ZPLD1: variants seen among roughly 807,000 people sequenced by gnomAD.
ZPLD1 encodes zona pellucida-like domain-containing protein 1.
Under a neutral mutation model 47.2 loss-of-function variants are expected in ZPLD1, and 34 were observed. The ratio of observed to expected loss-of-function variants is 0.72; its 90% CI spans 0.55 to 0.96. The LOEUF (loss-of-function observed/expected upper bound fraction) is 0.96, where lower values mean the gene tolerates loss of function less well. Among genes scored for constraint, ZPLD1 ranks in the 40% least tolerant of loss-of-function variants. The pLI is 0.00. For missense variants in ZPLD1, 512 were observed against 505.8 expected (o/e 1.01, Z -0.12); for synonymous variants, 176 against 186.2 (o/e 0.95, Z 0.45).
intron 7 of ZPLD1, among the ~76,000 whole-genome samples, chr3:102,398,827 C>T (rs779429278): frequency 6.6e-6 from 1 of 152,162 alleles, no homozygotes; most frequent in Non-Finnish European, 1.5e-5. Context: ...GCTCTTCCCA[C>T]ATGCATATTT....
chr3:102,435,276 T>C (rs1036688531), intron 1 of ZPLD1, 122 bp downstream of exon 1: 3 of 1,042,278 alleles, frequency 2.9e-6, no homozygotes, highest in Non-Finnish European at 3.0e-6. Flanking sequence ...AGATTCAAAA[T>C]AGGGATACTG....
intron 6 of ZPLD1, among the ~76,000 whole-genome samples, chr3:102,459,643 A>T (rs900236718): frequency 2.2e-4 from 33 of 152,204 alleles, no homozygotes; most frequent in Non-Finnish European, 4.7e-4. Flanking sequence ...TTTTGATATT[A>T]GACTACAAGT....
chr3:102,426,806 A>C (rs1360821595), intron 8 of ZPLD1, among the ~76,000 whole-genome samples: 1 of 152,210 alleles, frequency 6.6e-6, no homozygotes, highest in African/African-American at 2.4e-5. Context: ...CATCATGTCC[A>C]AAAGTATCAT....
At chr3:102,388,019 C>T (rs192406176) in intron 6 of ZPLD1, among the ~76,000 whole-genome samples, 1 of 151,972 alleles carries the variant, frequency 6.6e-6, no homozygotes, top group Non-Finnish European at 1.5e-5. Context: ...CGCCACCACG[C>T]CCAGCTAATT....
chr3:102,462,101 GAT>G (rs1472966113), intron 6 of ZPLD1, among the ~76,000 whole-genome samples, 178 bp from the exon 7 acceptor site: 2 of 152,050 alleles, frequency 1.3e-5, no homozygotes, highest in East Asian at 1.9e-4. Flanking sequence ...TTGTTACATG[GAT>G]ATGGCTTAAT....
At chr3:102,437,651 C>G (rs901772305) in intron 2 of ZPLD1, among the ~76,000 whole-genome samples, 2 of 152,146 alleles carry the variant, frequency 1.3e-5, no homozygotes, top group African/African-American at 4.8e-5. Flanking sequence ...TCTATCAGGC[C>G]AATGAATGGG....
At chr3:102,445,915 A>G (rs562117261) in intron 3 of ZPLD1, among the ~76,000 whole-genome samples, 1 of 152,328 alleles carries the variant, frequency 6.6e-6, no homozygotes, top group African/African-American at 2.4e-5. Context: ...TTAATTTTAT[A>G]TTATTTAATG....
chr3:102,396,576 G>A (rs1266046866), intron 7 of ZPLD1, among the ~76,000 whole-genome samples: 1 of 152,134 alleles, frequency 6.6e-6, no homozygotes, highest in Non-Finnish European at 1.5e-5. Context: ...GCATCAAGGA[G>A]ATGTGGTAAT....
chr3:102,405,906 G>A (rs1706675702), intron 7 of ZPLD1, among the ~76,000 whole-genome samples: 1 of 151,940 alleles, frequency 6.6e-6, no homozygotes, highest in Non-Finnish European at 1.5e-5. Context: ...AAGTGAAAGA[G>A]TTGGGCTGTA....
intron 3 of ZPLD1, among the ~76,000 whole-genome samples, chr3:102,444,202 G>A (rs1429930502): frequency 1.3e-5 from 2 of 152,078 alleles, no homozygotes; most frequent in Non-Finnish European, 2.9e-5. Flanking sequence ...AACTTTTCTG[G>A]TTCCAAAGAA....
At chr3:102,473,114 A>C (rs887830480) in intron 10 of ZPLD1, among the ~76,000 whole-genome samples, 4 of 152,152 alleles carry the variant, frequency 2.6e-5, no homozygotes, top group Non-Finnish European at 5.9e-5. Context: ...ATGGGAAAAA[A>C]ACCCATCCCC....
At chr3:102,462,420 A>T in intron 7 of ZPLD1, 42 bp downstream of exon 7, 1 of 1,383,920 alleles carries the variant, frequency 7.2e-7, no homozygotes, top group South Asian at 1.2e-5. Context: ...AAACTCTTTG[A>T]CTGCCTAAAT....
chr3:102,477,442 G>C lies in ZPLD1; in HGVS notation c.1073-1G>C. 1 of 1,610,332 alleles carries C rather than the reference G, an allele frequency of 6.2e-7. No individual in the cohort carries two copies. The highest frequency in any genetic ancestry group is 8.5e-7 in the Non-Finnish European group (1 of 1,178,598). ...AACCGGGTGTGTTTTATTATTTGCA[G>C]GTTCTCCAAGTATGCCTCCCTTCCA... On this transcript the variant is annotated splice_acceptor_variant, in intron 11 of 11. Coordinates refer to ENST00000466937, the MANE Select transcript of ZPLD1 (RefSeq NM_001329788.2). LOFTEE classifies it high-confidence loss of function.
chr3:102,439,723 A>G (rs1390051808), intron 3 of ZPLD1, among the ~76,000 whole-genome samples: 1 of 152,208 alleles, frequency 6.6e-6, no homozygotes, highest in Non-Finnish European at 1.5e-5. Flanking sequence ...TGGCATATTT[A>G]AAATAAATGC....
chr3:102,403,332 G>C (rs1188757857), intron 7 of ZPLD1, among the ~76,000 whole-genome samples: 1 of 151,908 alleles, frequency 6.6e-6, no homozygotes, highest in Non-Finnish European at 1.5e-5. Flanking sequence ...AGATAGATGA[G>C]CTTTTGTTTC....
intron 8 of ZPLD1, among the ~76,000 whole-genome samples, chr3:102,421,998 A>G (rs1392599094): frequency 6.6e-6 from 1 of 152,044 alleles, no homozygotes; most frequent in East Asian, 1.9e-4. Flanking sequence ...AGTTTGATTG[A>G]TGTTTAGATG....
At chr3:102,435,818 A>G (rs996166735) in intron 1 of ZPLD1, among the ~76,000 whole-genome samples, 1 of 151,076 alleles carries the variant, frequency 6.6e-6, no homozygotes, top group Non-Finnish European at 1.5e-5. Context: ...AATTTTTTGT[A>G]TTTTTACTAG....
intron 8 of ZPLD1, among the ~76,000 whole-genome samples, chr3:102,426,127 C>T (rs1706943390): frequency 7.2e-6 from 1 of 138,406 alleles, no homozygotes; most frequent in Admixed American, 6.9e-5. Context: ...CACACACACA[C>T]ACATGCACAC....
At chr3:102,454,973 T>C (rs184624705) in intron 4 of ZPLD1, among the ~76,000 whole-genome samples, 13 of 152,350 alleles carry the variant, frequency 8.5e-5, no homozygotes, top group Non-Finnish European at 1.8e-4. Context: ...GATTTGCTTA[T>C]CTTTCATTTT....
Sources: allele counts gnomAD v4.1 joint callset (sites outside exome capture counted in the v4.1 genomes callset), GRCh38; gene constraint gnomAD v4.1.1; transcripts MANE v1.5; gene names NCBI Gene and HGNC (gene_info 2026-07-23, HGNC 2026-07-21).